Variants in FSTL5 observed in about 807,000 individuals in gnomAD.
The protein encoded by FSTL5 is follistatin like 5, also known as follistatin-related protein 5.
A neutral mutation model predicts 89.1 loss-of-function variants in FSTL5; 62 were observed. The ratio of observed to expected loss-of-function variants is 0.70; its 90% CI spans 0.57 to 0.86. FSTL5 has a LOEUF of 0.86. Ranked by LOEUF, FSTL5 falls within the 40% of genes least tolerant of loss-of-function variation. FSTL5 has a pLI of 0.00. For missense variants in FSTL5, 1,057 were observed against 1,001.6 expected (o/e 1.06, Z -0.75); for synonymous variants, 383 against 346.2 (o/e 1.11, Z -1.18).
At chr4:161,769,537 C>A (rs1741135485) in intron 5 of FSTL5, among the ~76,000 whole-genome samples, 2 of 151,878 alleles carry the variant, frequency 1.3e-5, no homozygotes, top group African/African-American at 4.8e-5. Flanking sequence ...TCAACTTACT[C>A]AAATAAATCA....
chr4:161,751,612 T>TA (rs1051312412), intron 6 of FSTL5, among the ~76,000 whole-genome samples: 1 of 151,782 alleles, frequency 6.6e-6, no homozygotes, highest in Non-Finnish European at 1.5e-5. Context: ...CCATCTCTAC[T>TA]AAAAAAATAA....
At chr4:161,897,679 T>C (rs1375036067) in intron 4 of FSTL5, among the ~76,000 whole-genome samples, 1 of 152,086 alleles carries the variant, frequency 6.6e-6, no homozygotes, top group East Asian at 1.9e-4. Flanking sequence ...ACATCTTGAA[T>C]TAATGTGGCA....
chr4:162,063,549 A>G (rs1413461363), intron 2 of FSTL5, among the ~76,000 whole-genome samples: 2 of 151,836 alleles, frequency 1.3e-5, no homozygotes, highest in Non-Finnish European at 2.9e-5. Context: ...TCCTAAATTC[A>G]TGTGATTATT....
chr4:161,595,630 G>T (rs914138776), intron 7 of FSTL5, among the ~76,000 whole-genome samples: 2 of 151,970 alleles, frequency 1.3e-5, no homozygotes, highest in South Asian at 2.1e-4. Context: ...AATTATGTAA[G>T]AGTAACAAAA....
In FSTL5 at chr4:161,904,687, A is replaced by G. The variant is rs571757771; in HGVS notation, c.409+15717T>C. Among the ~76,000 whole-genome samples the G allele has an allele frequency of 2.2e-3, 327 of 151,956 alleles. 1 individual carries two copies. The highest frequency in any genetic ancestry group is 7.5e-3 in the African/African-American group (310 of 41,538). The stretch of plus-strand genomic sequence containing the variant: ...AATATGTAAACATCTTTACTTAGTA[A>G]AGAAAAAAATATTAAAATTAGTAAT... On this transcript the variant is annotated intron_variant, in intron 4 of 15. Transcript: ENST00000306100.
intron 13 of FSTL5, among the ~76,000 whole-genome samples, chr4:161,476,313 A>G: frequency 6.7e-6 from 1 of 150,206 alleles, no homozygotes; most frequent in East Asian, 2.0e-4. Flanking sequence ...TCAGCCTCCC[A>G]AGTAGCCGGG....
At chr4:161,663,199 T>G (rs1013468695) in intron 6 of FSTL5, among the ~76,000 whole-genome samples, 5 of 152,100 alleles carry the variant, frequency 3.3e-5, no homozygotes, top group Non-Finnish European at 7.4e-5. Context: ...CCAAATCTCA[T>G]GTCCTCGCAT....
chr4:161,526,147 TA>T, intron 10 of FSTL5, among the ~76,000 whole-genome samples: 1 of 152,306 alleles, frequency 6.6e-6, no homozygotes. Context: ...TTGTGAAACA[TA>T]ACTCTGAAAT....
intron 7 of FSTL5, among the ~76,000 whole-genome samples, chr4:161,654,930 C>T (rs939566212): frequency 6.6e-6 from 1 of 152,018 alleles, no homozygotes; most frequent in Non-Finnish European, 1.5e-5. Flanking sequence ...CAGGTGATTG[C>T]CCTTGAGTTT....
chr4:162,076,943 A>G (rs1316768933), intron 2 of FSTL5, among the ~76,000 whole-genome samples: 1 of 151,814 alleles, frequency 6.6e-6, no homozygotes, highest in African/African-American at 2.4e-5. Flanking sequence ...GGGAAACATG[A>G]GTTTCTGAAA....
At chr4:161,846,686 C>A (rs1422202605) in intron 4 of FSTL5, among the ~76,000 whole-genome samples, 1 of 151,936 alleles carries the variant, frequency 6.6e-6, no homozygotes, top group African/African-American at 2.4e-5. Flanking sequence ...TGACATTTTA[C>A]AGATAAGAAA....
At chr4:161,604,300 G>A (rs531776694) in intron 7 of FSTL5, among the ~76,000 whole-genome samples, 1 of 152,120 alleles carries the variant, frequency 6.6e-6, no homozygotes, top group South Asian at 2.1e-4. Flanking sequence ...TGAATCAGAA[G>A]AACTCTGGGG....
intron 4 of FSTL5, among the ~76,000 whole-genome samples, chr4:161,897,217 T>A (rs1296540755): frequency 6.6e-6 from 1 of 151,866 alleles, no homozygotes; most frequent in Non-Finnish European, 1.5e-5. Context: ...ATTATGTATT[T>A]TATTCAATTT....
chr4:161,422,325 T>C (rs1257660057), intron 15 of FSTL5, among the ~76,000 whole-genome samples: 2 of 152,122 alleles, frequency 1.3e-5, no homozygotes, highest in African/African-American at 4.8e-5. Flanking sequence ...TGTGTCTGTG[T>C]GTGTTAAAAA....
chr4:161,414,549 T>C (rs1013761296), intron 15 of FSTL5, among the ~76,000 whole-genome samples: 1 of 152,182 alleles, frequency 6.6e-6, no homozygotes, highest in Non-Finnish European at 1.5e-5. Flanking sequence ...AAGGGGCCAT[T>C]TATTTAACAT....
chr4:161,811,664 T>C (rs1007485245), intron 4 of FSTL5, among the ~76,000 whole-genome samples: 3 of 152,138 alleles, frequency 2.0e-5, no homozygotes, highest in Non-Finnish European at 4.4e-5. Flanking sequence ...AAATAAAAAA[T>C]ATGTAATTAA....
At chr4:161,680,339 A>G (rs1479054736) in intron 6 of FSTL5, among the ~76,000 whole-genome samples, 1 of 151,832 alleles carries the variant, frequency 6.6e-6, no homozygotes, top group Non-Finnish European at 1.5e-5. Context: ...TCTTGTCTCA[A>G]TCTAAGCTAT....
chr4:161,612,472 G>T (rs189979910), intron 7 of FSTL5, among the ~76,000 whole-genome samples: 12 of 152,324 alleles, frequency 7.9e-5, no homozygotes, highest in African/African-American at 2.9e-4. Context: ...ACAAGAATAA[G>T]TTAATTTGGT....
intron 3 of FSTL5, among the ~76,000 whole-genome samples, chr4:161,962,332 C>G (rs1735204826): frequency 6.6e-6 from 1 of 151,936 alleles, no homozygotes; most frequent in African/African-American, 2.4e-5. Context: ...TTGCATGGCT[C>G]TCAATGTATA....
Sources: gnomAD v4.1 joint callset for allele counts (sites outside exome capture counted in the v4.1 genomes callset) on GRCh38, gnomAD v4.1.1 for gene constraint, MANE v1.5 for transcripts, NCBI Gene and HGNC (gene_info 2026-07-23, HGNC 2026-07-21) for gene names.